The following ZBTB20 variants were observed in gnomAD, a reference collection of about 807,000 sequenced individuals.
ZBTB20 encodes zinc finger and BTB domain-containing protein 20.
In ZBTB20, 9 loss-of-function variants were observed where a neutral mutation model predicts 56.9. That is an observed-to-expected ratio of 0.16 (90% CI 0.10 to 0.28). The LOEUF (loss-of-function observed/expected upper bound fraction) is 0.28. ZBTB20 is among the 10% of genes least tolerant of loss of function. The pLI is 1.00. For synonymous variants in ZBTB20, 417 were observed against 420.7 expected (o/e 0.99, Z 0.11); for missense variants, 655 against 1,003.0 (o/e 0.65, Z 4.69).
In ZBTB20 at chr3:114,838,559, G is replaced by C. The variant is rs569938238; in HGVS notation, c.-416-37385C>G. On this transcript the variant is annotated intron_variant, in intron 4 of 11. Coordinates refer to ENST00000675478, the MANE Select transcript of ZBTB20 (RefSeq NM_001348800.3). ...TCCATGGTGTGACTGGGGGGGGAAA[G>C]TCTCTGAAAAGTTAAAAGAAGACAG... Among the ~76,000 whole-genome samples the C allele has an allele frequency of 1.8e-4, 28 of 151,886 alleles. No individual in the cohort carries two copies. The South Asian group carries it at 5.4e-3, about 29-fold the overall frequency.
In ZBTB20 at chr3:114,351,448, G is replaced by C; in HGVS notation, c.630C>G (p.Asp210Glu). ...CTGACTCGGGAGTGCCCCGCGGCGTGTCCTGGCCCGAGTCCTGGATCCCCG... is the reference window on the plus strand; with the variant it reads ...CTGACTCGGGAGTGCCCCGCGGCGTCTCCTGGCCCGAGTCCTGGATCCCCG... The part of the protein sequence containing the change: ...VFPGIQDSGQ[D>E]TPRGTPESGT... Residue 210 changes from aspartate to glutamate, a missense_variant, in exon 11 of 12, where the codon GAC becomes GAG. This residue lies in a region of ZBTB20 where 167 missense variants were observed against 281.9 expected (regional missense o/e 0.59). Coordinates refer to ENST00000675478, the MANE Select transcript of ZBTB20 (RefSeq NM_001348800.3). 1.7e-5 allele frequency: 28 copies of C among 1,613,588 alleles called. No homozygotes were observed. Among genetic ancestry groups the C allele is most frequent in the Non-Finnish European group, 2.4e-5 (28 of 1,180,006 alleles).
chr3:114,541,053 A>T (rs764983494), intron 6 of ZBTB20, among the ~76,000 whole-genome samples: 10 of 152,210 alleles, frequency 6.6e-5, no homozygotes, highest in South Asian at 6.2e-4. Flanking sequence ...AGGGAATAGT[A>T]AGACCATACA....
At chr3:114,887,823 A>T (rs2076656835) in intron 4 of ZBTB20, among the ~76,000 whole-genome samples, 1 of 152,188 alleles carries the variant, frequency 6.6e-6, no homozygotes, top group South Asian at 2.1e-4. Context: ...AAAACAGAGG[A>T]AGACATACAG....
In ZBTB20 at chr3:114,785,988, T is replaced by C. The variant is rs1165226258; in HGVS notation, c.-343+15113A>G. On this transcript the variant is annotated intron_variant, in intron 5 of 11. Transcript: ENST00000675478. ...TTTTATTCTTTACACTTTTGAAATC[T>C]ACTTTTTTTTTCTTAATTTAATTTT... Among the ~76,000 whole-genome samples, 6 of 152,172 alleles carry C rather than the reference T, an allele frequency of 3.9e-5. No homozygotes were observed. In the East Asian group the frequency reaches 1.2e-3, roughly 29 times the overall value.
At chr3:114,417,462 A>G (rs1317425127) in intron 7 of ZBTB20, among the ~76,000 whole-genome samples, 3 of 152,124 alleles carry the variant, frequency 2.0e-5, no homozygotes, top group Non-Finnish European at 4.4e-5. Flanking sequence ...ACCACAGTCT[A>G]TGAAACCACA....
intron 2 of ZBTB20, among the ~76,000 whole-genome samples, chr3:115,036,871 C>T (rs2080946841): frequency 6.6e-6 from 1 of 152,146 alleles, no homozygotes. Flanking sequence ...CCATACAGAA[C>T]TTACGATGAA....
intron 4 of ZBTB20, among the ~76,000 whole-genome samples, chr3:114,885,738 C>T (rs1336290037): frequency 6.6e-6 from 1 of 152,080 alleles, no homozygotes; most frequent in East Asian, 1.9e-4. Context: ...TCTATTTCAT[C>T]CTTTCTTTTC....
chr3:114,892,827 T>C (rs1466431927), intron 4 of ZBTB20, among the ~76,000 whole-genome samples: 1 of 152,210 alleles, frequency 6.6e-6, no homozygotes, highest in Non-Finnish European at 1.5e-5. Context: ...TCTGAGATAA[T>C]GACCTGCAAA....
chr3:114,953,014 TACA>T (rs983846659), intron 3 of ZBTB20, among the ~76,000 whole-genome samples: 1 of 152,098 alleles, frequency 6.6e-6, no homozygotes. Context: ...AATGCAAAAT[TACA>T]ACATTATCTG....
At chr3:114,764,394 C>T (rs925089920) in intron 5 of ZBTB20, among the ~76,000 whole-genome samples, 3 of 152,114 alleles carry the variant, frequency 2.0e-5, no homozygotes, top group Admixed American at 2.0e-4. Context: ...ATCAGAACCA[C>T]AGTGGGTGCT....
At chr3:114,940,041 T>C (rs541901904) in intron 3 of ZBTB20, among the ~76,000 whole-genome samples, 1 of 146,448 alleles carries the variant, frequency 6.8e-6, no homozygotes, top group Non-Finnish European at 1.5e-5. Context: ...TTCACCATCA[T>C]TGTAAGGAGT....
chr3:114,925,841 C>T (rs2076139114), intron 3 of ZBTB20, among the ~76,000 whole-genome samples: 1 of 152,132 alleles, frequency 6.6e-6, no homozygotes, highest in South Asian at 2.1e-4. Flanking sequence ...TGGGTTTTAA[C>T]TTAGACATCG....
intron 4 of ZBTB20, among the ~76,000 whole-genome samples, chr3:114,896,438 C>A (rs1479047013): frequency 6.6e-6 from 1 of 152,078 alleles, no homozygotes; most frequent in Non-Finnish European, 1.5e-5. Flanking sequence ...GAAATCCTGA[C>A]ATGTACTACC....
intron 4 of ZBTB20, among the ~76,000 whole-genome samples, chr3:114,814,826 T>C (rs774692534): frequency 4.6e-5 from 7 of 152,218 alleles, no homozygotes; most frequent in Non-Finnish European, 7.3e-5. Flanking sequence ...TTTCACTCAA[T>C]AACCCACGTT....
intron 7 of ZBTB20, among the ~76,000 whole-genome samples, chr3:114,497,569 T>G (rs2043425008): frequency 6.6e-6 from 1 of 152,218 alleles, no homozygotes; most frequent in African/African-American, 2.4e-5. Flanking sequence ...CAATTTACTC[T>G]TCTGACTTTA....
intron 5 of ZBTB20, among the ~76,000 whole-genome samples, chr3:114,731,138 C>T (rs2065713386): frequency 6.6e-6 from 1 of 152,162 alleles, no homozygotes; most frequent in African/African-American, 2.4e-5. Flanking sequence ...TTTTAGATGA[C>T]TGTCATTCAT....
At chr3:114,618,238 C>T (rs1375748607) in intron 6 of ZBTB20, among the ~76,000 whole-genome samples, 14 of 119,272 alleles carry the variant, frequency 1.2e-4, no homozygotes, top group African/African-American at 1.6e-4. Flanking sequence ...TGTTTCTTTC[C>T]TTTTTTTTTT....
At chr3:114,580,874 G>A (rs918148701) in intron 6 of ZBTB20, among the ~76,000 whole-genome samples, 2 of 151,800 alleles carry the variant, frequency 1.3e-5, no homozygotes, top group Non-Finnish European at 3.0e-5. Context: ...ATTCTCCCCA[G>A]ATTATTTTCT....
chr3:114,502,351 G>T (rs1171743088), intron 6 of ZBTB20, among the ~76,000 whole-genome samples: 10 of 152,148 alleles, frequency 6.6e-5, no homozygotes. Flanking sequence ...TGGGACAACT[G>T]CACTATTGTA....
Sources: allele counts gnomAD v4.1 joint callset (sites outside exome capture counted in the v4.1 genomes callset), GRCh38; gene constraint gnomAD v4.1.1; regional missense constraint gnomAD v4.1.1; transcripts MANE v1.5; gene names NCBI Gene and HGNC (gene_info 2026-07-23, HGNC 2026-07-21).